The following RASSF9 variants were observed in gnomAD, a reference collection of about 807,000 sequenced individuals.
RASSF9 encodes Ras association domain family member 9.
Under a neutral mutation model 21.4 loss-of-function variants are expected in RASSF9, and 18 were observed. The observed-to-expected ratio is 0.84, with a 90% confidence interval of 0.58 to 1.25. The LOEUF is 1.25. Ranked by LOEUF, RASSF9 falls within the 50% of genes most tolerant of loss-of-function variation. RASSF9 has a pLI of 0.00. For missense variants in RASSF9, 480 were observed against 503.2 expected (o/e 0.95, Z 0.44); for synonymous variants, 183 against 179.1 (o/e 1.02, Z -0.18).
At position 85,800,878 on chromosome 12, in the gene RASSF9, T is replaced by C. The variant is rs1429488670; in HGVS notation, c.*3824A>G. The stretch of plus-strand genomic sequence containing the variant: ...ATGTATTTCTTTGTCACTAGAAAAA[T>C]ATGTTTTAAATAGATTATGTCTACT... On this transcript the variant is annotated 3_prime_UTR_variant, in exon 2 of 2. Transcript: ENST00000361228. The C allele has an allele frequency of 6.6e-6, 1 of 151,794 alleles. No individual in the cohort carries two copies. The highest frequency in any genetic ancestry group is 1.5e-5 in the Non-Finnish European group (1 of 67,886). 9.4% of individuals were successfully genotyped at this position (151,794 alleles called of 1,614,324 possible). A position where few individuals can be genotyped will look rare whatever the true frequency, so the allele number is the denominator to read the frequency against.
chr12:85,815,932 T>C (rs1407820279), intron 1 of RASSF9, among the ~76,000 whole-genome samples: 1 of 152,220 alleles, frequency 6.6e-6, no homozygotes, highest in East Asian at 1.9e-4. Flanking sequence ...AACAGCAGAC[T>C]GGATAAAGAA....
rs1318772732 is a variant in RASSF9 at position 85,804,094 on chromosome 12, A to G, written c.*608T>C. On this transcript the variant is annotated 3_prime_UTR_variant, in exon 2 of 2. Coordinates refer to ENST00000361228, the MANE Select transcript of RASSF9 (RefSeq NM_005447.4). ...CTTGGCCCTGCCTCATCTGTACCCT[A>G]TACGTGTCTGATTCCCTGCCAGTAT... The G allele has an allele frequency of 6.6e-6, 1 of 152,240 alleles. No homozygotes were observed. The highest frequency in any genetic ancestry group is 1.5e-5 in the Non-Finnish European group (1 of 68,096). The allele number at this position is 152,240 out of a possible 1,614,324, so 9.4% of individuals were successfully genotyped here. A position where few individuals can be genotyped will look rare whatever the true frequency, so the allele number is the denominator to read the frequency against.
chr12:85,821,165 G>A (rs955289230), intron 1 of RASSF9, among the ~76,000 whole-genome samples: 1 of 151,880 alleles, frequency 6.6e-6, no homozygotes, highest in Non-Finnish European at 1.5e-5. Flanking sequence ...GAAAAAAAAA[G>A]CTACATTGAC....
rs756226946 is a variant in RASSF9, at chr12:85,805,834, T to G, written c.176A>C (p.Glu59Ala). 3.7e-6 allele frequency: 6 copies of G among 1,613,862 alleles called. No homozygotes were observed. The African/African-American group carries it at 8.0e-5, about 22-fold the overall frequency. ...SADVIQALLEEHEATFGEKRF... is the reference protein window; with the variant it reads ...SADVIQALLEAHEATFGEKRF... ...TTTCTCTCCAAACGTAGCCTCATGT[T>G]CCTCAAGCAAAGCCTGGATGACATC... Residue 59 changes from glutamate to alanine, a missense_variant, in exon 2 of 2, where the codon GAA (glutamate) becomes GCA (alanine). Coordinates refer to ENST00000361228, the MANE Select transcript of RASSF9 (RefSeq NM_005447.4).
intron 1 of RASSF9, among the ~76,000 whole-genome samples, chr12:85,815,330 A>T (rs1880037675): frequency 6.6e-6 from 1 of 152,182 alleles, no homozygotes; most frequent in Non-Finnish European, 1.5e-5. Flanking sequence ...CTGGAATCTA[A>T]TATGGTCACA....
rs773691590 is a variant in RASSF9, at chr12:85,805,934, C to G, written c.76G>C (p.Glu26Gln). ...CAAACCCAAACCACAATTTCCTTCT[C>G]TTCTGAATCCATGTCTTTAGTTGGA... ...RSPTKDMDSEEKEIVVWVCQE... is the reference protein window; with the variant it reads ...RSPTKDMDSEQKEIVVWVCQE... Residue 26 changes from glutamate to glutamine, a missense_variant, in exon 2 of 2, where the codon GAG (glutamate) becomes CAG (glutamine). Coordinates refer to ENST00000361228, the MANE Select transcript of RASSF9 (RefSeq NM_005447.4). 1 of 1,610,306 alleles carries G rather than the reference C, an allele frequency of 6.2e-7. No homozygotes were observed. The highest frequency in any genetic ancestry group is 8.5e-7 in the Non-Finnish European group (1 of 1,177,582).
At chr12:85,834,233 T>C (rs1429735087) in intron 1 of RASSF9, among the ~76,000 whole-genome samples, 2 of 152,038 alleles carry the variant, frequency 1.3e-5, no homozygotes, top group African/African-American at 2.4e-5. Flanking sequence ...ATACTTTCAT[T>C]AGAGAAGCTT....
chr12:85,832,250 C>T (rs899265036), intron 1 of RASSF9, among the ~76,000 whole-genome samples: 6 of 151,804 alleles, frequency 4.0e-5, no homozygotes, highest in African/African-American at 4.8e-5. Flanking sequence ...TTCTAATTTC[C>T]TATTTTGAAA....
intron 1 of RASSF9, among the ~76,000 whole-genome samples, chr12:85,831,714 T>A (rs1880455450): frequency 6.6e-6 from 1 of 151,934 alleles, no homozygotes; most frequent in South Asian, 2.1e-4. Flanking sequence ...AAATAGTGCA[T>A]AATAATTTCC....
intron 1 of RASSF9, among the ~76,000 whole-genome samples, chr12:85,813,410 A>G (rs1234310759): frequency 6.6e-6 from 1 of 152,000 alleles, no homozygotes; most frequent in East Asian, 1.9e-4. Flanking sequence ...TTTGAAAATA[A>G]TTTAATTGAC....
chr12:85,825,795 C>A (rs914363676), intron 1 of RASSF9, among the ~76,000 whole-genome samples: 1 of 151,912 alleles, frequency 6.6e-6, no homozygotes, highest in African/African-American at 2.4e-5. Flanking sequence ...CACACACACA[C>A]ACACACACAC....
chr12:85,833,570 T>A (rs1880498431), intron 1 of RASSF9, among the ~76,000 whole-genome samples: 1 of 151,904 alleles, frequency 6.6e-6, no homozygotes. Context: ...TAAATATCAC[T>A]CCAAGAGTGA....
chr12:85,831,419 C>A (rs1022401447), intron 1 of RASSF9, among the ~76,000 whole-genome samples: 1 of 151,962 alleles, frequency 6.6e-6, no homozygotes, highest in Non-Finnish European at 1.5e-5. Flanking sequence ...TTATGTAGTA[C>A]AAAGCTGGCT....
intron 1 of RASSF9, among the ~76,000 whole-genome samples, chr12:85,831,948 T>C (rs1382422063): frequency 6.6e-6 from 1 of 151,960 alleles, no homozygotes; most frequent in Non-Finnish European, 1.5e-5. Flanking sequence ...ATTTTATGTA[T>C]CAATTATAAA....
At chr12:85,828,145 T>G (rs1395305373) in intron 1 of RASSF9, among the ~76,000 whole-genome samples, 1 of 152,156 alleles carries the variant, frequency 6.6e-6, no homozygotes. Flanking sequence ...TCATTAATAC[T>G]TCACAATATA....
intron 1 of RASSF9, among the ~76,000 whole-genome samples, chr12:85,831,285 G>A (rs7303344): frequency 1.4e-4 from 21 of 151,880 alleles, no homozygotes; most frequent in Non-Finnish European, 2.4e-4. Flanking sequence ...TACAGCCAAC[G>A]AACACATTAT....
rs1879696870 is a variant in RASSF9 at position 85,801,410 on chromosome 12, A to AC, written c.*3291_*3292insG. Reference sequence around the variant, plus strand: ...TATAAAACACACACACACACACACAAAAGCTACAAACCTCTAAAATTTAGC... The same window carrying AC: ...TATAAAACACACACACACACACACAACAAGCTACAAACCTCTAAAATTTAGC... On this transcript the variant is annotated 3_prime_UTR_variant, in exon 2 of 2. Transcript: ENST00000361228. The AC allele has an allele frequency of 1.3e-5, 2 of 151,614 alleles. No individual in the cohort carries two copies. The highest frequency in any genetic ancestry group is 4.9e-5 in the African/African-American group (2 of 40,978). The allele number at this position is 151,614 out of a possible 1,614,324, so 9.4% of individuals were successfully genotyped here.
intron 1 of RASSF9, among the ~76,000 whole-genome samples, chr12:85,825,172 T>A (rs568644919): frequency 2.7e-3 from 414 of 152,258 alleles, no homozygotes; most frequent in African/African-American, 9.2e-3. Context: ...CTGATTAATT[T>A]TTGTATTTTT....
At position 85,804,790 on chromosome 12, in the gene RASSF9, T is replaced by C; in HGVS notation, c.1220A>G (p.Asn407Ser). The change falls in exon 2 of 2, where the codon AAT becomes AGT. Residue 407 changes from asparagine (N) to serine (S), a missense_variant. Physicochemically the swap from Asn to Ser is conservative, Grantham distance 46 (BLOSUM62 1). Transcript: ENST00000361228. The part of the protein sequence containing the change: ...FTQRVFSNYT[N>S]DTDSDTGISS... ...GATACCAGTGTCCGAGTCTGTGTCATTTGTGTAATTGCTAAATACTCTTTG... is the reference window on the plus strand; with the variant it reads ...GATACCAGTGTCCGAGTCTGTGTCACTTGTGTAATTGCTAAATACTCTTTG... 2.5e-6 allele frequency: 4 copies of C among 1,613,716 alleles called. No homozygotes were observed. The highest frequency in any genetic ancestry group is 3.4e-6 in the Non-Finnish European group (4 of 1,179,608).
Sources: allele counts gnomAD v4.1 joint callset (sites outside exome capture counted in the v4.1 genomes callset), GRCh38; gene constraint gnomAD v4.1.1; transcripts MANE v1.5; gene names NCBI Gene and HGNC (gene_info 2026-07-23, HGNC 2026-07-21).